Variants in DYNC2H1 observed in about 807,000 individuals in gnomAD.
DYNC2H1 encodes dynein cytoplasmic 2 heavy chain 1, also known as cytoplasmic dynein 2 heavy chain 1.
Under a neutral mutation model 570.0 loss-of-function variants are expected in DYNC2H1, and 410 were observed. The ratio of observed to expected loss-of-function variants is 0.72; its 90% confidence interval spans 0.66 to 0.78. DYNC2H1 has a LOEUF of 0.78. DYNC2H1 is among the 30% of genes least tolerant of loss of function. The pLI, the probability that DYNC2H1 is intolerant of heterozygous loss-of-function variation, is 0.00. For synonymous variants in DYNC2H1, 1,688 were observed against 1,677.6 expected (o/e 1.01, Z -0.15); for missense variants, 4,865 against 5,046.4 (o/e 0.96, Z 1.09).
chr11:103,272,572 T>A (rs866037131), intron 70 of DYNC2H1, among the ~76,000 whole-genome samples: 25 of 152,064 alleles, frequency 1.6e-4, no homozygotes, highest in East Asian at 1.2e-3. Context: ...TAAAGTATAA[T>A]TAAATAAATA....
At position 103,245,186 on chromosome 11, in the gene DYNC2H1, G is replaced by T; in HGVS notation, c.9919-65G>T. 7.6e-7 allele frequency: 1 copy of T among 1,307,872 alleles called. No individual in the cohort carries two copies. Among genetic ancestry groups the T allele is most frequent in the Non-Finnish European group, 1.0e-6 (1 of 963,764 alleles). The allele number at this position is 1,307,872 out of a possible 1,614,324, so 81.0% of individuals were successfully genotyped here. Reference sequence around the variant, plus strand: ...TTTGAAATTACTGTAGAAAATCAAAGAAAGGATGTTTGTAAATATTAAAGT... The same window carrying T: ...TTTGAAATTACTGTAGAAAATCAAATAAAGGATGTTTGTAAATATTAAAGT... On this transcript the variant is annotated intron_variant, in intron 64 of 88. Coordinates refer to ENST00000375735, the MANE Select transcript of DYNC2H1 (RefSeq NM_001377.3). The surrounding 1 kb of genome is among the most constrained non-coding windows in gnomAD (Gnocchi z 4.5).
chr11:103,200,560 G>T (rs1040520322), intron 50 of DYNC2H1, among the ~76,000 whole-genome samples: 1 of 152,138 alleles, frequency 6.6e-6, no homozygotes, highest in Non-Finnish European at 1.5e-5. Flanking sequence ...AAAATAGGTA[G>T]TATAATTTAT....
chr11:103,143,288 A>C lies in DYNC2H1; in HGVS notation c.2595A>C (p.Gln865His). 1 of 1,613,416 alleles carries C rather than the reference A, an allele frequency of 6.2e-7. No homozygotes were observed. The highest frequency in any genetic ancestry group is 8.5e-7 in the Non-Finnish European group (1 of 1,179,622). The change falls in exon 18 of 89, where the codon CAA (glutamine) becomes CAC (histidine). Residue 865 changes from glutamine (Q) to histidine (H), a missense_variant. By Grantham distance (24) the Gln-to-His change is conservative. Coordinates refer to ENST00000375735, the MANE Select transcript of DYNC2H1 (RefSeq NM_001377.3). ...AATAGGAATGGATTGTAATTGGGCA[A>C]GTTGATATGGAAGCTCTGGTGGAAA... ...HQHKEWIVIG[Q>H]VDMEALVEKH...
At chr11:103,303,055 A>G in intron 75 of DYNC2H1, 38 bp from the exon 76 acceptor site, 2 of 1,361,202 alleles carry the variant, frequency 1.5e-6, no homozygotes, top group Non-Finnish European at 1.9e-6. Context: ...AATAATGCAT[A>G]CTGCTTTTAT....
intron 61 of DYNC2H1, 37 bp from the exon 62 acceptor site, chr11:103,235,635 C>T: frequency 6.3e-7 from 1 of 1,575,698 alleles, no homozygotes; most frequent in Non-Finnish European, 8.6e-7. Context: ...AGAACATACT[C>T]ATATATCTCC....
At chr11:103,143,465 A>G in intron 18 of DYNC2H1, 70 bp downstream of exon 18, 7 of 1,427,064 alleles carry the variant, frequency 4.9e-6, no homozygotes, top group Non-Finnish European at 5.5e-6. Flanking sequence ...GGAGCTCTCT[A>G]CTTAGTGGCA....
chr11:103,340,969 C>T (rs916686543), intron 82 of DYNC2H1, among the ~76,000 whole-genome samples: 8 of 151,826 alleles, frequency 5.3e-5, no homozygotes, highest in African/African-American at 1.9e-4. Flanking sequence ...AAACTCCAAG[C>T]AGAATTTGGG....
chr11:103,325,749 G>T lies in DYNC2H1; in HGVS notation c.12039+1759G>T, dbSNP rs905190312. On this transcript the variant is annotated intron_variant, in intron 82 of 88. Coordinates refer to ENST00000375735, the MANE Select transcript of DYNC2H1 (RefSeq NM_001377.3). This position sits in a 1 kb window ranked among gnomAD's most constrained non-coding sequence, Gnocchi z 4.8. The stretch of plus-strand genomic sequence containing the variant: ...TTGGATTGATTTACTGGATACCTTG[G>T]ATTCTTTGGATCGGATTTCAACTTT... Among the ~76,000 whole-genome samples the T allele has an allele frequency of 5.3e-5, 8 of 152,064 alleles. No homozygotes were observed. The South Asian group carries it at 8.3e-4, about 16-fold the overall frequency.
intron 84 of DYNC2H1, among the ~76,000 whole-genome samples, chr11:103,421,312 A>C (rs1943479622): frequency 1.3e-5 from 2 of 152,174 alleles, no homozygotes; most frequent in African/African-American, 4.8e-5. Context: ...AAAATTAACA[A>C]AGATATTCAG....
chr11:103,405,106 G>T (rs1942806096), intron 84 of DYNC2H1: 1 of 151,712 alleles, frequency 6.6e-6, no homozygotes, highest in Non-Finnish European at 1.5e-5. Context: ...CCGAAGCCTG[G>T]TAGAATAAGG....
At chr11:103,456,381 G>A in intron 87 of DYNC2H1, 25 bp downstream of exon 87, 2 of 1,556,180 alleles carry the variant, frequency 1.3e-6, no homozygotes, top group Non-Finnish European at 1.7e-6. Context: ...TTAGATCTTG[G>A]AATCTCAGCC....
Position 103,177,819 on chromosome 11 carries a change from A to T in DYNC2H1, c.6138A>T (p.Gln2046His). 6.2e-7 allele frequency: 1 copy of T among 1,608,314 alleles called. No individual in the cohort carries two copies. Among genetic ancestry groups the T allele is most frequent in the Non-Finnish European group, 8.5e-7 (1 of 1,178,028 alleles). The part of the protein sequence containing the change: ...NSARQVVREP[Q>H]DVSSWIICDG... ...CTCGTCAAGTGGTTCGGGAACCTCA[A>T]GGTTAGTCTCTATGTATACTTCTTT... is the stretch of plus-strand genomic sequence containing the variant. The change falls in exon 38 of 89, where the codon CAA becomes CAT. Residue 2046 changes from glutamine to histidine, a missense_variant and splice_region_variant. Transcript: ENST00000375735. This position sits in a 1 kb window ranked among gnomAD's most constrained non-coding sequence, Gnocchi z 4.4.
chr11:103,292,069 G>A (rs981044696), intron 75 of DYNC2H1, among the ~76,000 whole-genome samples: 5 of 151,458 alleles, frequency 3.3e-5, no homozygotes, highest in Non-Finnish European at 5.9e-5. Flanking sequence ...TTATTGATAG[G>A]AAAGGACTCT....
intron 72 of DYNC2H1, 47 bp from the exon 73 acceptor site, chr11:103,282,961 C>G: frequency 7.0e-7 from 1 of 1,427,946 alleles, no homozygotes; most frequent in Admixed American, 2.1e-5. Flanking sequence ...TTTTTAAACT[C>G]TGAATTTTAC....
chr11:103,198,578 G>T (rs1159493468), intron 48 of DYNC2H1, among the ~76,000 whole-genome samples: 1 of 152,110 alleles, frequency 6.6e-6, no homozygotes, highest in Non-Finnish European at 1.5e-5. Flanking sequence ...TATTGCAAAT[G>T]ATTGCTTTAA....
intron 82 of DYNC2H1, among the ~76,000 whole-genome samples, chr11:103,356,994 T>C (rs190042053): frequency 6.6e-6 from 1 of 152,248 alleles, no homozygotes; most frequent in Admixed American, 6.5e-5. Context: ...TAGGAAGATA[T>C]ATCTGGTTTT....
intron 75 of DYNC2H1, among the ~76,000 whole-genome samples, chr11:103,290,839 G>A (rs970944702): frequency 1.3e-5 from 2 of 152,104 alleles, no homozygotes; most frequent in African/African-American, 2.4e-5. Flanking sequence ...AACTTGCTGA[G>A]TTATGTTTTA....
At chr11:103,227,479 T>C (rs1276287751) in intron 59 of DYNC2H1, among the ~76,000 whole-genome samples, 2 of 152,206 alleles carry the variant, frequency 1.3e-5, no homozygotes, top group Non-Finnish European at 2.9e-5. Flanking sequence ...TTTCCACATA[T>C]TTGCATCGTT....
At position 103,316,544 on chromosome 11, in the gene DYNC2H1, G is replaced by A. The variant is rs878852996; in HGVS notation, c.11650-1G>A. ...TACTTAAAAAAATTGTTTTTTGACA[G>A]GGTTGGACAAAGTTTTATGAATTTT... On this transcript the variant is annotated splice_acceptor_variant, in intron 79 of 88. Transcript: ENST00000375735. LOFTEE classifies it high-confidence loss of function. 4 of 1,547,112 alleles carry A rather than the reference G, an allele frequency of 2.6e-6. No individual in the cohort carries two copies. Among genetic ancestry groups the A allele is most frequent in the Non-Finnish European group, 3.5e-6 (4 of 1,146,966 alleles).
Sources: gnomAD v4.1 joint callset for allele counts (sites outside exome capture counted in the v4.1 genomes callset) on GRCh38, gnomAD v4.1.1 for gene constraint, Gnocchi (gnomAD v3.1) non-coding constraint, MANE v1.5 for transcripts, NCBI Gene and HGNC (gene_info 2026-07-23, HGNC 2026-07-21) for gene names.